MRPL48: variants seen among roughly 807,000 people sequenced by gnomAD.
MRPL48 encodes large ribosomal subunit protein mL48.
A neutral mutation model predicts 32.9 loss-of-function variants in MRPL48; 16 were observed. That is an observed-to-expected ratio of 0.49 (90% CI 0.33 to 0.74). MRPL48 has a LOEUF of 0.74. Among genes scored for constraint, MRPL48 ranks in the 30% least tolerant of loss-of-function variants. MRPL48 has a pLI of 0.02. For missense variants in MRPL48, 206 were observed against 245.3 expected (o/e 0.84, Z 1.07); for synonymous variants, 94 against 89.2 (o/e 1.05, Z -0.31).
intron 3 of MRPL48, among the ~76,000 whole-genome samples, chr11:73,809,676 A>T (rs1792160): frequency 0.51 from 78,158 of 151,980 alleles, 21,312 homozygotes; most frequent in African/African-American, 0.71. Context: ...CTCAATGGAT[A>T]TCCATCTCTG....
chr11:73,828,221 A>G (rs1357481612), intron 4 of MRPL48, among the ~76,000 whole-genome samples: 1 of 151,242 alleles, frequency 6.6e-6, no homozygotes. Context: ...GAGTTGCAAA[A>G]TAATTCTTTT....
intron 5 of MRPL48, among the ~76,000 whole-genome samples, chr11:73,852,180 G>A (rs1329087020): frequency 6.6e-6 from 1 of 151,946 alleles, no homozygotes; most frequent in African/African-American, 2.4e-5. Flanking sequence ...TGAATCAAGC[G>A]GTTTGTTTAG....
chr11:73,863,192 G>A lies in MRPL48; in HGVS notation c.495G>A (p.Thr165=), dbSNP rs531371956. ...RVVQISGLSA[T]FAEIFLEIIQ... Reference sequence around the variant, plus strand: ...TGCAGATCAGCGGTTTGAGTGCTACGTTTGCAGAAATTTTCTTGGAAATAA... The same window carrying A: ...TGCAGATCAGCGGTTTGAGTGCTACATTTGCAGAAATTTTCTTGGAAATAA... The change falls in exon 7 of 8, where the codon ACG becomes ACA. Residue 165 remains threonine, a synonymous_variant. Coordinates refer to ENST00000310614, the MANE Select transcript of MRPL48 (RefSeq NM_016055.6). 20 of 1,584,160 alleles carry A rather than the reference G, an allele frequency of 1.3e-5. No homozygotes were observed. In the East Asian group the frequency reaches 1.4e-4, roughly 11 times the overall value.
At chr11:73,808,845 C>G (rs1411418532) in intron 3 of MRPL48, among the ~76,000 whole-genome samples, 1 of 151,936 alleles carries the variant, frequency 6.6e-6, no homozygotes, top group East Asian at 1.9e-4. Context: ...ATCGCTTGAG[C>G]TCGGGAGGCG....
chr11:73,793,129 G>A (rs1022849590), intron 1 of MRPL48, among the ~76,000 whole-genome samples: 1 of 152,094 alleles, frequency 6.6e-6, no homozygotes, highest in Non-Finnish European at 1.5e-5. Flanking sequence ...GCAATGGTGC[G>A]ATCTCAGCTC....
intron 3 of MRPL48, among the ~76,000 whole-genome samples, chr11:73,820,179 A>G (rs1947750978): frequency 6.6e-6 from 1 of 152,314 alleles, no homozygotes; most frequent in Middle Eastern, 3.4e-3. Context: ...ATGAAATCCA[A>G]ACCTTTAACA....
intron 3 of MRPL48, among the ~76,000 whole-genome samples, chr11:73,816,674 A>C (rs912938354): frequency 6.7e-6 from 1 of 149,216 alleles, no homozygotes; most frequent in Non-Finnish European, 1.5e-5. Context: ...ATGTTGGCCA[A>C]GCTAGTCTCG....
intron 2 of MRPL48, among the ~76,000 whole-genome samples, chr11:73,805,651 G>T (rs1228732854): frequency 2.3e-5 from 3 of 130,966 alleles, no homozygotes; most frequent in Non-Finnish European, 4.7e-5. Context: ...AATATAAACA[G>T]AACCTTTTTT....
intron 3 of MRPL48, among the ~76,000 whole-genome samples, chr11:73,809,560 T>TTA (rs1031131288): frequency 7.2e-5 from 11 of 152,220 alleles, no homozygotes; most frequent in African/African-American, 2.6e-4. Flanking sequence ...ATTATTATTA[T>TTA]TATTAATACT....
chr11:73,807,424 C>G (rs1347246376), intron 2 of MRPL48, among the ~76,000 whole-genome samples: 1 of 151,396 alleles, frequency 6.6e-6, no homozygotes, highest in Non-Finnish European at 1.5e-5. Flanking sequence ...TGATAGTATC[C>G]CGTTCCATCT....
intron 5 of MRPL48, among the ~76,000 whole-genome samples, chr11:73,847,260 C>A (rs1380866947): frequency 6.6e-6 from 1 of 152,116 alleles, no homozygotes; most frequent in Non-Finnish European, 1.5e-5. Context: ...ATAGTGGTAT[C>A]TCATAGTGGT....
chr11:73,854,951 C>T (rs942637795), intron 5 of MRPL48, among the ~76,000 whole-genome samples: 1 of 152,114 alleles, frequency 6.6e-6, no homozygotes, highest in Non-Finnish European at 1.5e-5. Context: ...GTTTGCTCAA[C>T]CTCTTTGTGT....
chr11:73,841,575 A>G (rs1266954663), intron 4 of MRPL48, among the ~76,000 whole-genome samples: 2 of 152,220 alleles, frequency 1.3e-5, no homozygotes, highest in African/African-American at 4.8e-5. Context: ...ATGAATTTCA[A>G]AAACATGCAA....
At chr11:73,806,510 G>C (rs1319698167) in intron 2 of MRPL48, among the ~76,000 whole-genome samples, 1 of 151,936 alleles carries the variant, frequency 6.6e-6, no homozygotes, top group Non-Finnish European at 1.5e-5. Context: ...TTTATACTTT[G>C]CTTTTTCTTT....
Position 73,787,978 on chromosome 11 carries a change from G to A in MRPL48, c.7G>A (p.Gly3Arg). 6.2e-7 allele frequency: 1 copy of A among 1,607,390 alleles called. No homozygotes were observed. Among genetic ancestry groups the A allele is most frequent in the Non-Finnish European group, 8.5e-7 (1 of 1,177,202 alleles). Residue 3 changes from glycine (G) to arginine (R), a missense_variant, in exon 1 of 8, where the codon GGA becomes AGA. Transcript: ENST00000310614. MS[G>R]TLEKVLCLRN... ...GGCCGCGCAGCAGCAAAGGATGAGC[G>A]GAACCTTGGAAAAGGTAACGTAGAT...
intron 6 of MRPL48, 112 bp from the exon 7 acceptor site, chr11:73,863,060 C>T (rs1011082624): frequency 2.2e-6 from 2 of 911,968 alleles, no homozygotes; most frequent in Middle Eastern, 3.3e-4. Flanking sequence ...ATCTTCCACG[C>T]TTGGGCTCTC....
In MRPL48 at chr11:73,787,948, C is replaced by A; in HGVS notation, c.-24C>A. The A allele has an allele frequency of 6.2e-7, 1 of 1,612,196 alleles. No individual in the cohort carries two copies. Among genetic ancestry groups the A allele is most frequent in the Non-Finnish European group, 8.5e-7 (1 of 1,179,144 alleles). On this transcript the variant is annotated 5_prime_UTR_variant, in exon 1 of 8. Transcript: ENST00000310614. The stretch of plus-strand genomic sequence containing the variant: ...AGGGTCCGGTCTTCGGTTTGCACAG[C>A]TAGAGGCCGCGCAGCAGCAAAGGAT...
chr11:73,836,489 G>T (rs950576211), intron 4 of MRPL48, among the ~76,000 whole-genome samples: 2 of 152,056 alleles, frequency 1.3e-5, no homozygotes, highest in Non-Finnish European at 2.9e-5. Context: ...ATGAGCCACC[G>T]TGCCCTTCCA....
Position 73,863,172 on chromosome 11 carries a change from A to C in MRPL48, c.475A>C (p.Ile159Leu). Residue 159 changes from isoleucine (I) to leucine (L), a missense_variant and splice_region_variant, in exon 7 of 8, where the codon ATC (isoleucine) becomes CTC (leucine). By Grantham distance (5) the Ile-to-Leu change is conservative (BLOSUM62 2). Coordinates refer to ENST00000310614, the MANE Select transcript of MRPL48 (RefSeq NM_016055.6). ...TAGAGCACCTTCTTTCATTTTGCAG[A>C]TCAGCGGTTTGAGTGCTACGTTTGC... ...VLTTHERVVQ[I>L]SGLSATFAEI... 3 of 1,579,094 alleles carry C rather than the reference A, an allele frequency of 1.9e-6. No individual in the cohort carries two copies. Among genetic ancestry groups the C allele is most frequent in the Non-Finnish European group, 1.7e-6 (2 of 1,162,278 alleles).
Sources: allele counts gnomAD v4.1 joint callset (sites outside exome capture counted in the v4.1 genomes callset), GRCh38; gene constraint gnomAD v4.1.1; transcripts MANE v1.5; gene names NCBI Gene and HGNC (gene_info 2026-07-23, HGNC 2026-07-21).